The following ADGRB1 variants were observed in gnomAD, a reference collection of about 807,000 sequenced individuals.
ADGRB1 encodes brain-specific angiogenesis inhibitor 1.
A neutral mutation model predicts 175.7 loss-of-function variants in ADGRB1; 36 were observed. The observed-to-expected ratio is 0.20, with a 90% CI of 0.16 to 0.27. ADGRB1 has a LOEUF of 0.27. Ranked by LOEUF, ADGRB1 falls within the 10% of genes least tolerant of loss-of-function variation. ADGRB1 has a pLI of 1.00. For missense variants in ADGRB1, 1,731 were observed against 2,255.3 expected (o/e 0.77, Z 4.71); for synonymous variants, 1,054 against 979.4 (o/e 1.08, Z -1.42).
intron 20 of ADGRB1, 104 bp from the exon 21 acceptor site, chr8:142,521,861 G>T: frequency 7.4e-7 from 1 of 1,351,830 alleles, no homozygotes; most frequent in Non-Finnish European, 1.0e-6. Flanking sequence ...GTCCCAGTGA[G>T]GGTGCTGGGT....
intron 1 of ADGRB1, among the ~76,000 whole-genome samples, chr8:142,453,034 CCGCCCGCCCGCT>C (rs892993370): frequency 4.4e-5 from 5 of 113,896 alleles, no homozygotes; most frequent in African/African-American, 1.4e-4. Context: ...TCCCGCCCGC[CCGCCCGCCCGCT>C]CGCTCGCTCG....
Position 142,463,871 on chromosome 8 carries a change from C to T in ADGRB1, c.-219-109C>T, listed in dbSNP as rs537186002. 41 of 241,456 alleles carry T rather than the reference C, an allele frequency of 1.7e-4. 1 individual carries two copies. The South Asian group carries it at 7.1e-3, about 42-fold the overall frequency. The allele number at this position is 241,456 out of a possible 1,614,324, so 15.0% of individuals were successfully genotyped here. A position where few individuals can be genotyped will look rare whatever the true frequency, so the allele number is the denominator to read the frequency against. On this transcript the variant is annotated intron_variant, in intron 1 of 30. Coordinates refer to ENST00000517894, the MANE Select transcript of ADGRB1 (RefSeq NM_001702.3). ...GTGTCTGCGGCCCAAAGTCCTCCTG[C>T]CCTCGTTGGTAGCAGGCTAAGCTGC...
chr8:142,483,821 A>G (rs1444035943), intron 11 of ADGRB1, among the ~76,000 whole-genome samples, 156 bp from the exon 12 acceptor site: 2 of 151,784 alleles, frequency 1.3e-5, no homozygotes, highest in Non-Finnish European at 2.9e-5. Context: ...GGCTCTGGTC[A>G]CAGTGAGCTC....
intron 1 of ADGRB1, among the ~76,000 whole-genome samples, chr8:142,454,409 A>G (rs1339996959): frequency 6.6e-6 from 1 of 152,170 alleles, no homozygotes; most frequent in Non-Finnish European, 1.5e-5. Flanking sequence ...TCACGAGGAC[A>G]TGGGTCAGCA....
chr8:142,516,856 C>G (rs1213557221), intron 18 of ADGRB1, among the ~76,000 whole-genome samples: 1 of 152,112 alleles, frequency 6.6e-6, no homozygotes, highest in Admixed American at 6.5e-5. Flanking sequence ...GGAAGTTGCT[C>G]GGGGTGAACT....
chr8:142,528,458 G>A (rs1844360598), intron 24 of ADGRB1, among the ~76,000 whole-genome samples: 1 of 152,192 alleles, frequency 6.6e-6, no homozygotes, highest in African/African-American at 2.4e-5. Flanking sequence ...CTGAGGGGCT[G>A]GTTTTGCACT....
intron 2 of ADGRB1, among the ~76,000 whole-genome samples, chr8:142,468,217 T>C (rs1840389776): frequency 6.6e-6 from 1 of 151,834 alleles, no homozygotes; most frequent in African/African-American, 2.4e-5. Context: ...TGCGTGTGTG[T>C]GTGTGTGTGC....
In ADGRB1 at chr8:142,479,383, G is replaced by T; in HGVS notation, c.1622G>T (p.Gly541Val). 1 of 1,533,938 alleles carries T rather than the reference G, an allele frequency of 6.5e-7. No homozygotes were observed. The change falls in exon 8 of 31, where the codon GGC (glycine) becomes GTC (valine). Residue 541 changes from glycine to valine, a missense_variant. Gly to Val is a moderately radical substitution (Grantham distance 109). Around this residue, in one of 8 missense-constraint regions of ADGRB1, gnomAD observed 388 missense variants for 630.9 expected, o/e 0.61. Transcript: ENST00000517894. ...WGSCSVTCGA[G>V]SQRRERVCSG... ...AGTTGCAGCGTCACGTGTGGGGCTG[G>T]CAGCCAGCGACGGGAGCGTGTCTGC...
chr8:142,467,217 G>T (rs1437493815), intron 2 of ADGRB1, among the ~76,000 whole-genome samples: 1 of 152,228 alleles, frequency 6.6e-6, no homozygotes, highest in African/African-American at 2.4e-5. Context: ...ACGTTATCTT[G>T]GGAACCCAAG....
intron 24 of ADGRB1, among the ~76,000 whole-genome samples, chr8:142,531,238 C>T (rs1322449948): frequency 1.3e-5 from 2 of 152,222 alleles, no homozygotes; most frequent in Non-Finnish European, 2.9e-5. Context: ...ATGGGAAAAC[C>T]GAGGCCCCAG....
At chr8:142,526,503 G>GGCCCCCCCCCCCCCCC in intron 23 of ADGRB1, 39 bp from the exon 24 acceptor site, 15 of 1,259,184 alleles carry the variant, frequency 1.2e-5, no homozygotes, top group African/African-American at 3.0e-5. Flanking sequence ...GCCTACGGCG[G>GGCCCCCCCCCCCCCCC]CCCCCACCCC....
rs767203031 is a variant in ADGRB1, at chr8:142,530,130, AGT to A, written c.3399-3160_3399-3159del. On this transcript the variant is annotated intron_variant, in intron 24 of 30. Transcript: ENST00000517894. ...GCGTTAGTGTGTGTGTATAAGTGTG[AGT>A]GTGTATATAATTGGGCATGTGCCTG... 7.2e-5 allele frequency among the ~76,000 whole-genome samples: 11 copies of A among 151,822 alleles called. No homozygotes were observed. In the South Asian group the frequency reaches 1.0e-3, roughly 14 times the overall value.
intron 2 of ADGRB1, among the ~76,000 whole-genome samples, chr8:142,470,763 C>T (rs1045386737): frequency 8.5e-5 from 13 of 152,050 alleles, no homozygotes; most frequent in Admixed American, 2.6e-4. Context: ...GGGCTGTGAC[C>T]GGCCACGGAG....
chr8:142,482,651 C>G, intron 11 of ADGRB1, among the ~76,000 whole-genome samples: 1 of 151,794 alleles, frequency 6.6e-6, no homozygotes, highest in East Asian at 1.9e-4. Context: ...ATCCTGGTCA[C>G]ACGCTGAGCC....
chr8:142,470,335 G>A (rs558501785), intron 2 of ADGRB1, among the ~76,000 whole-genome samples: 1 of 152,298 alleles, frequency 6.6e-6, no homozygotes, highest in African/African-American at 2.4e-5. Flanking sequence ...TTGCACGAGC[G>A]ACATGGAAGA....
At chr8:142,505,573 G>A (rs947861852) in intron 17 of ADGRB1, among the ~76,000 whole-genome samples, 2 of 152,212 alleles carry the variant, frequency 1.3e-5, no homozygotes, top group Non-Finnish European at 2.9e-5. Context: ...GTTTGGAGGG[G>A]TCTGCTGGGA....
chr8:142,490,437 GC>G (rs1841927830), intron 16 of ADGRB1, among the ~76,000 whole-genome samples: 1 of 152,182 alleles, frequency 6.6e-6, no homozygotes, highest in African/African-American at 2.4e-5. Context: ...TGCTCACTAG[GC>G]CCCGGGGGAA....
chr8:142,524,585 C>T (rs979912372), intron 23 of ADGRB1, among the ~76,000 whole-genome samples: 3 of 152,200 alleles, frequency 2.0e-5, no homozygotes, highest in African/African-American at 4.8e-5. Context: ...AGGAGATCCC[C>T]GCGGGTGTGG....
chr8:142,465,857 T>C (rs1413483466), intron 2 of ADGRB1, among the ~76,000 whole-genome samples: 1 of 152,120 alleles, frequency 6.6e-6, no homozygotes, highest in African/African-American at 2.4e-5. Context: ...TGGGTGGCTT[T>C]GTGCCCGGAG....
Sources: gnomAD v4.1 joint callset for allele counts (sites outside exome capture counted in the v4.1 genomes callset) on GRCh38, gnomAD v4.1.1 for gene constraint, gnomAD v4.1.1 regional missense constraint, MANE v1.5 for transcripts, NCBI Gene and HGNC (gene_info 2026-07-23, HGNC 2026-07-21) for gene names.